Variants in NDRG1 observed in about 807,000 individuals in gnomAD.
NDRG1 encodes protein NDRG1.
Under a neutral mutation model 56.9 loss-of-function variants are expected in NDRG1, and 32 were observed. The observed-to-expected ratio is 0.56, with a 90% confidence interval of 0.42 to 0.76. The LOEUF (loss-of-function observed/expected upper bound fraction) is 0.76. NDRG1 is among the 30% of genes least tolerant of loss of function. The probability of loss-of-function intolerance (pLI) is 0.00; values close to 1 mark genes in which losing one functional copy is unlikely to be tolerated. For missense variants in NDRG1, 507 were observed against 545.7 expected, an observed-to-expected ratio of 0.93 and a Z score of 0.71; for synonymous variants, 211 against 204.1, an observed-to-expected ratio of 1.03 and a Z score of -0.29.
At chr8:133,276,791 T>C (rs1036552507) in intron 3 of NDRG1, among the ~76,000 whole-genome samples, 2 of 152,224 alleles carry the variant, frequency 1.3e-5, no homozygotes, top group African/African-American at 4.8e-5. Flanking sequence ...TATGTCCTTA[T>C]AGCAGCTTGA....
intron 3 of NDRG1, among the ~76,000 whole-genome samples, chr8:133,268,676 A>G (rs895185769): frequency 6.6e-6 from 1 of 152,098 alleles, no homozygotes; most frequent in Admixed American, 6.5e-5. Flanking sequence ...GACTCTCCCA[A>G]GGTCATAGGT....
rs1479091958 is a variant in NDRG1, at chr8:133,239,032, G to A, written c.1031C>T (p.Ser344Phe). The A allele has an allele frequency of 1.3e-6, 2 of 1,597,942 alleles. No homozygotes were observed. Among genetic ancestry groups the A allele is most frequent in the African/African-American group, 1.3e-5 (1 of 74,936 alleles). The change falls in exon 16 of 16, where the codon TCC becomes TTC. Residue 344 changes from serine to phenylalanine, a missense_variant. Transcript: ENST00000323851. The part of the protein sequence containing the change: ...VTSLDGTRSR[S>F]HTSEGTRSRS... ...GCTTCGGGTGCCCTCGCTGGTGTGG[G>A]AGCGGCTGCGGGTGCCATCCAGAGA...
chr8:133,274,333 A>G (rs1227804853), intron 3 of NDRG1, among the ~76,000 whole-genome samples: 1 of 152,226 alleles, frequency 6.6e-6, no homozygotes, highest in East Asian at 1.9e-4. Flanking sequence ...AACAAAAACA[A>G]TAAAAGCCTA....
intron 3 of NDRG1, among the ~76,000 whole-genome samples, chr8:133,268,592 G>T (rs544051401): frequency 2.4e-4 from 37 of 152,182 alleles, no homozygotes; most frequent in Non-Finnish European, 4.6e-4. Flanking sequence ...CCTACGAAGA[G>T]TAAGGCAGGG....
At chr8:133,294,181 T>C (rs1457348315) in intron 1 of NDRG1, among the ~76,000 whole-genome samples, 2 of 152,034 alleles carry the variant, frequency 1.3e-5, no homozygotes, top group African/African-American at 2.4e-5. Context: ...CATGTTGTCA[T>C]GGAAAAAAAA....
chr8:133,291,206 A>C (rs1858410226), intron 1 of NDRG1, among the ~76,000 whole-genome samples: 1 of 152,232 alleles, frequency 6.6e-6, no homozygotes, highest in African/African-American at 2.4e-5. Flanking sequence ...CCTGGTTTTA[A>C]GGCCACATGA....
intron 15 of NDRG1, chr8:133,239,382 C>T (rs1564277679): frequency 1.6e-6 from 1 of 607,562 alleles, no homozygotes; most frequent in Non-Finnish European, 2.9e-6. Context: ...AATTCTGCCA[C>T]CTGTTAAAAG....
chr8:133,247,831 G>A, intron 12 of NDRG1, 44 bp downstream of exon 12: 1 of 1,602,792 alleles, frequency 6.2e-7, no homozygotes, highest in Non-Finnish European at 8.5e-7. Context: ...ACCAGACTTT[G>A]CCTGTTGAAT....
chr8:133,273,168 C>T (rs1857279767), intron 3 of NDRG1, among the ~76,000 whole-genome samples: 2 of 80,066 alleles, frequency 2.5e-5, no homozygotes, highest in Non-Finnish European at 6.2e-5. Context: ...CTGGTGAGCA[C>T]ACAAACACAG....
chr8:133,249,859 G>C (rs190574089), intron 10 of NDRG1, among the ~76,000 whole-genome samples: 1 of 152,244 alleles, frequency 6.6e-6, no homozygotes, highest in Non-Finnish European at 1.5e-5. Context: ...TTCTGCGAGC[G>C]TGGCAGAGCG....
chr8:133,294,397 C>T (rs1018984653), intron 1 of NDRG1, among the ~76,000 whole-genome samples: 3 of 152,198 alleles, frequency 2.0e-5, no homozygotes, highest in African/African-American at 7.2e-5. Flanking sequence ...TGTCGTGTCC[C>T]TCCCTGGCCT....
Position 133,259,186 on chromosome 8 carries a change from C to G in NDRG1, c.371G>C (p.Gly124Ala). The G allele has an allele frequency of 6.2e-7, 1 of 1,614,206 alleles. No homozygotes were observed. The highest frequency in any genetic ancestry group is 8.5e-7 in the Non-Finnish European group (1 of 1,180,024). The part of the protein sequence containing the change: ...SMDQLAEMLP[G>A]VLQQFGLKSI... ...CTCTTACCCAAACTGTTGAAGGACT[C>G]CAGGAAGCATTTCAGCCAGCTGATC... Residue 124 changes from glycine to alanine, a missense_variant, in exon 6 of 16, where the codon GGA (glycine) becomes GCA (alanine). Gly to Ala is a moderately conservative substitution (Grantham distance 60). Coordinates refer to ENST00000323851, the MANE Select transcript of NDRG1 (RefSeq NM_006096.4).
intron 1 of NDRG1, among the ~76,000 whole-genome samples, chr8:133,294,313 T>C (rs1302160446): frequency 6.6e-6 from 1 of 152,130 alleles, no homozygotes. Flanking sequence ...AATGGAGCAA[T>C]ACGATCCAGG....
At chr8:133,284,862 T>G in intron 1 of NDRG1, 1 of 456,344 alleles carries the variant, frequency 2.2e-6, no homozygotes, top group Non-Finnish European at 4.4e-6. Context: ...TGAACACACA[T>G]ACACACCCCA....
Position 133,271,778 on chromosome 8 carries a change from T to TAAAAAA in NDRG1, c.100-7132_100-7127dup, listed in dbSNP as rs66733314. Among the ~76,000 whole-genome samples, 32 of 30,486 alleles carry TAAAAAA rather than the reference T, an allele frequency of 1.0e-3. 1 individual carries two copies. Among genetic ancestry groups the TAAAAAA allele is most frequent in the African/African-American group, 4.3e-3 (32 of 7,436 alleles). 20.0% of individuals were successfully genotyped at this position (30,486 alleles called of 152,430 possible). A position where few individuals can be genotyped will look rare whatever the true frequency, so the allele number is the denominator to read the frequency against. ...ATGGGCAACAAAGGGAGACCCTGTCTAAAAAAAAAAAAAAAAAAAAAAAAA... is the reference window on the plus strand; with the variant it reads ...ATGGGCAACAAAGGGAGACCCTGTCTAAAAAAAAAAAAAAAAAAAAAAAAAAAAAAA... On this transcript the variant is annotated intron_variant, in intron 3 of 15. Coordinates refer to ENST00000323851, the MANE Select transcript of NDRG1 (RefSeq NM_006096.4).
intron 1 of NDRG1, among the ~76,000 whole-genome samples, chr8:133,292,463 A>G (rs1586505276): frequency 6.6e-6 from 1 of 152,156 alleles, no homozygotes; most frequent in South Asian, 2.1e-4. Flanking sequence ...TTCATGGGAG[A>G]CATGGACAGG....
intron 4 of NDRG1, 141 bp from the exon 5 acceptor site, chr8:133,262,308 T>C: frequency 8.9e-7 from 1 of 1,121,616 alleles, no homozygotes; most frequent in East Asian, 2.5e-5. Context: ...GATGTTGGCG[T>C]TTTTTGTTTT....
chr8:133,262,559 T>G (rs59094570), intron 4 of NDRG1, among the ~76,000 whole-genome samples: 263 of 152,188 alleles, frequency 1.7e-3, no homozygotes, highest in African/African-American at 5.8e-3. Flanking sequence ...GGGGTACTGG[T>G]CCAGGACACA....
intron 3 of NDRG1, among the ~76,000 whole-genome samples, chr8:133,272,219 A>G (rs1030646681): frequency 6.6e-6 from 1 of 152,238 alleles, no homozygotes. Flanking sequence ...CTGGGAATAC[A>G]GCATGCAACT....
Sources: allele counts gnomAD v4.1 joint callset (sites outside exome capture counted in the v4.1 genomes callset), GRCh38; gene constraint gnomAD v4.1.1; transcripts MANE v1.5; gene names NCBI Gene and HGNC (gene_info 2026-07-23, HGNC 2026-07-21).